The following CACHD1 variants were observed in gnomAD, a reference collection of about 807,000 sequenced individuals.
CACHD1 encodes the protein cache domain containing 1, also known as VWFA and cache domain-containing protein 1.
A neutral mutation model predicts 138.7 loss-of-function variants in CACHD1; 71 were observed. The ratio of observed to expected loss-of-function variants is 0.51; its 90% CI spans 0.42 to 0.62. The LOEUF (loss-of-function observed/expected upper bound fraction) is 0.62, where lower values mean the gene tolerates loss of function less well. Among genes scored for constraint, CACHD1 ranks in the 20% least tolerant of loss-of-function variants. The pLI, the probability that CACHD1 is intolerant of heterozygous loss-of-function variation, is 0.00. For synonymous variants in CACHD1, 578 were observed against 591.5 expected (o/e 0.98, Z 0.33); for missense variants, 1,389 against 1,625.3 (o/e 0.85, Z 2.50).
At chr1:64,497,503 G>T (rs1039736753) in intron 1 of CACHD1, among the ~76,000 whole-genome samples, 6 of 152,004 alleles carry the variant, frequency 3.9e-5, no homozygotes, top group African/African-American at 1.4e-4. Context: ...AGATTTCAAG[G>T]CCTGTTGAAA....
rs1357308102 is a variant in CACHD1 at position 64,672,414 on chromosome 1, AG to A, written c.2510+731del. On this transcript the variant is annotated intron_variant, in intron 17 of 26. Coordinates refer to ENST00000651257, the MANE Select transcript of CACHD1 (RefSeq NM_020925.4). The stretch of plus-strand genomic sequence containing the variant: ...CTCTTATCTTTGGTCTCGCTTTGTG[AG>A]GGTTCAGTTACCCATAGCATAATAC... Among the ~76,000 whole-genome samples, 104 of 152,312 alleles carry A rather than the reference AG, an allele frequency of 6.8e-4. 1 individual carries two copies. The highest frequency in any genetic ancestry group is 2.3e-3 in the African/African-American group (94 of 41,568).
chr1:64,678,997 T>C (rs956914781), intron 23 of CACHD1, among the ~76,000 whole-genome samples: 1 of 152,160 alleles, frequency 6.6e-6, no homozygotes, highest in Non-Finnish European at 1.5e-5. Context: ...TACATCAGCC[T>C]GTCTAGAAGA....
Position 64,580,794 on chromosome 1 carries a change from C to T in CACHD1, c.262-1362C>T, listed in dbSNP as rs61708773. Reference sequence around the variant, plus strand: ...CTCTATCTATCTACTTTGCAGCATTCTCCACCAAGTTGTGACAATCAAAAT... The same window carrying T: ...CTCTATCTATCTACTTTGCAGCATTTTCCACCAAGTTGTGACAATCAAAAT... On this transcript the variant is annotated intron_variant, in intron 2 of 26. Coordinates refer to ENST00000651257, the MANE Select transcript of CACHD1 (RefSeq NM_020925.4). Among the ~76,000 whole-genome samples the T allele has an allele frequency of 4.4e-3, 673 of 152,240 alleles. 2 individuals are homozygous for T. The highest frequency in any genetic ancestry group is 0.015 in the African/African-American group (639 of 41,556).
chr1:64,511,558 C>T (rs142655963), intron 1 of CACHD1, among the ~76,000 whole-genome samples: 2 of 152,312 alleles, frequency 1.3e-5, no homozygotes, highest in East Asian at 3.9e-4. Context: ...GAGCTCACCA[C>T]CCTCTCCAGC....
At chr1:64,559,722 G>A (rs942693031) in intron 2 of CACHD1, among the ~76,000 whole-genome samples, 2 of 152,118 alleles carry the variant, frequency 1.3e-5, no homozygotes, top group African/African-American at 2.4e-5. Context: ...CTTTCTGAAG[G>A]AAAGGTGTTA....
At chr1:64,605,747 AG>A (rs1553138074) in intron 4 of CACHD1, among the ~76,000 whole-genome samples, 2 of 152,216 alleles carry the variant, frequency 1.3e-5, no homozygotes, top group African/African-American at 2.4e-5. Context: ...TGTGGCAGCC[AG>A]GGCCTCATCC....
chr1:64,600,927 T>C (rs555339886), intron 3 of CACHD1, among the ~76,000 whole-genome samples: 1 of 152,264 alleles, frequency 6.6e-6, no homozygotes, highest in African/African-American at 2.4e-5. Flanking sequence ...TAAGACGAAA[T>C]AAAATAGAAA....
chr1:64,660,776 C>T (rs534587380), intron 13 of CACHD1, among the ~76,000 whole-genome samples: 3 of 152,186 alleles, frequency 2.0e-5, no homozygotes, highest in East Asian at 3.9e-4. Flanking sequence ...GTGATCCTCC[C>T]GCCTTGGCCT....
In CACHD1 at chr1:64,530,923, G is replaced by GT. The variant is rs1330246075; in HGVS notation, c.199-19662dup. On this transcript the variant is annotated intron_variant, in intron 1 of 26. Coordinates refer to ENST00000651257, the MANE Select transcript of CACHD1 (RefSeq NM_020925.4). ...CAGATGTGTATCAACATTCCATCGT[G>GT]TTTTTTTTTGTTTTTTTTTTTTTTA... 1.4e-4 allele frequency among the ~76,000 whole-genome samples: 18 copies of GT among 132,556 alleles called. No individual in the cohort carries two copies. The South Asian group carries it at 3.4e-3, about 25-fold the overall frequency. 87.0% of individuals were successfully genotyped at this position (132,556 alleles called of 152,430 possible). A position where few individuals can be genotyped will look rare whatever the true frequency, so the allele number is the denominator to read the frequency against.
chr1:64,515,145 A>C (rs1646449604), intron 1 of CACHD1, among the ~76,000 whole-genome samples: 1 of 152,240 alleles, frequency 6.6e-6, no homozygotes. Flanking sequence ...GATCTAGATT[A>C]ATCCAAATGG....
At chr1:64,678,368 A>G in intron 23 of CACHD1, 58 bp downstream of exon 23, 2 of 1,438,130 alleles carry the variant, frequency 1.4e-6, no homozygotes, top group Non-Finnish European at 1.8e-6. Flanking sequence ...TCCTGCCTAT[A>G]TGCTAGGACA....
intron 1 of CACHD1, among the ~76,000 whole-genome samples, chr1:64,486,736 T>C (rs548521636): frequency 4.9e-4 from 75 of 152,324 alleles, no homozygotes; most frequent in Admixed American, 2.2e-3. Flanking sequence ...ACTTCTGTTA[T>C]GCACAAGCAC....
At chr1:64,600,612 A>G (rs1247353454) in intron 3 of CACHD1, among the ~76,000 whole-genome samples, 3 of 152,246 alleles carry the variant, frequency 2.0e-5, no homozygotes, top group African/African-American at 7.2e-5. Context: ...ATGCTAAGCA[A>G]TGTATGCAGT....
chr1:64,671,500 G>A (rs1160046238), intron 16 of CACHD1, 64 bp from the exon 17 acceptor site: 1 of 1,567,586 alleles, frequency 6.4e-7, no homozygotes, highest in African/African-American at 1.4e-5. Context: ...CCCTGTGACT[G>A]AACATAGCTT....
chr1:64,520,685 G>A (rs1646491809), intron 1 of CACHD1, among the ~76,000 whole-genome samples: 2 of 152,166 alleles, frequency 1.3e-5, no homozygotes, highest in South Asian at 2.1e-4. Flanking sequence ...TGATTTGTAA[G>A]GATTCTTTTG....
intron 6 of CACHD1, among the ~76,000 whole-genome samples, chr1:64,633,398 A>G (rs1648384472): frequency 6.6e-6 from 1 of 152,074 alleles, no homozygotes; most frequent in African/African-American, 2.4e-5. Flanking sequence ...TTTATGGCTC[A>G]TGGTAAGGTT....
intron 4 of CACHD1, among the ~76,000 whole-genome samples, chr1:64,624,754 T>C (rs1648038429): frequency 6.6e-6 from 1 of 152,150 alleles, no homozygotes; most frequent in Non-Finnish European, 1.5e-5. Flanking sequence ...GAGATAATAA[T>C]TTTTATTCCT....
intron 1 of CACHD1, among the ~76,000 whole-genome samples, chr1:64,529,644 G>T (rs1254192502): frequency 6.6e-6 from 1 of 152,216 alleles, no homozygotes; most frequent in Non-Finnish European, 1.5e-5. Context: ...GTCCTATGAA[G>T]TGGAAGGGAA....
chr1:64,584,410 A>T (rs1338258722), intron 3 of CACHD1, among the ~76,000 whole-genome samples: 1 of 152,144 alleles, frequency 6.6e-6, no homozygotes, highest in Non-Finnish European at 1.5e-5. Context: ...TCTAGAGGGG[A>T]AAAAACCTGA....
Sources: allele counts gnomAD v4.1 joint callset (sites outside exome capture counted in the v4.1 genomes callset), GRCh38; gene constraint gnomAD v4.1.1; transcripts MANE v1.5; gene names NCBI Gene and HGNC (gene_info 2026-07-23, HGNC 2026-07-21).